Variants in DYNC2I1 observed in about 807,000 individuals in gnomAD.
DYNC2I1 encodes the protein cytoplasmic dynein 2 intermediate chain 1.
A neutral mutation model predicts 133.4 loss-of-function variants in DYNC2I1; 89 were observed. The ratio of observed to expected loss-of-function variants is 0.67; its 90% CI spans 0.56 to 0.80. The LOEUF is 0.80. Among genes scored for constraint, DYNC2I1 ranks in the 30% least tolerant of loss-of-function variants. DYNC2I1 has a pLI of 0.00. For synonymous variants in DYNC2I1, 504 were observed against 484.3 expected (o/e 1.04, Z -0.54); for missense variants, 1,291 against 1,314.5 (o/e 0.98, Z 0.28).
At chr7:158,887,620 A>G (rs2129480921) in intron 7 of DYNC2I1, among the ~76,000 whole-genome samples, 1 of 152,364 alleles carries the variant, frequency 6.6e-6, no homozygotes, top group Middle Eastern at 3.4e-3. Flanking sequence ...ACTATCAGTT[A>G]CTAAAACTGC....
chr7:158,918,141 T>C (rs1244506603), intron 14 of DYNC2I1, among the ~76,000 whole-genome samples: 1 of 152,190 alleles, frequency 6.6e-6, no homozygotes, highest in African/African-American at 2.4e-5. Context: ...CAGTTCCCAA[T>C]GAACACTTCC....
In DYNC2I1 at chr7:158,913,020, A is replaced by T; in HGVS notation, c.1626A>T (p.Arg542Ser). 6.2e-7 allele frequency: 1 copy of T among 1,613,458 alleles called. No homozygotes were observed. Among genetic ancestry groups the T allele is most frequent in the Non-Finnish European group, 8.5e-7 (1 of 1,179,614 alleles). The change falls in exon 13 of 25, where the codon AGA becomes AGT. Residue 542 changes from arginine (R) to serine (S), a missense_variant. Arg to Ser is a moderately radical substitution (Grantham distance 110). Coordinates refer to ENST00000407559, the MANE Select transcript of DYNC2I1 (RefSeq NM_018051.5). ...AGTGTAACGAAGATAATGTTGAAAGAGACATTCAAACGGAGGAAATAGAGA... is the reference window on the plus strand; with the variant it reads ...AGTGTAACGAAGATAATGTTGAAAGTGACATTCAAACGGAGGAAATAGAGA... ...YVQCNEDNVERDIQTEEIETR... is the reference protein window; with the variant it reads ...YVQCNEDNVESDIQTEEIETR...
chr7:158,877,536 TC>T (rs1347990345), intron 4 of DYNC2I1, among the ~76,000 whole-genome samples: 3 of 152,250 alleles, frequency 2.0e-5, no homozygotes, highest in Admixed American at 6.5e-5. Context: ...ATTTATATCA[TC>T]AGAGCATAAT....
At chr7:158,842,649 T>A in the DYNC2I1 span, among the ~76,000 whole-genome samples, 106 of 152,372 alleles carry the variant, frequency 7.0e-4, no homozygotes, top group African/African-American at 2.5e-3. Flanking sequence ...TTCGCTCATG[T>A]CAAGTGCTGA....
intron 7 of DYNC2I1, among the ~76,000 whole-genome samples, chr7:158,888,336 A>G (rs986590601): frequency 6.1e-5 from 9 of 147,994 alleles, no homozygotes; most frequent in African/African-American, 2.0e-4. Flanking sequence ...TTGTTTTGTT[A>G]TTACAGATAA....
chr7:158,934,724 C>CAG (rs1311960870), intron 23 of DYNC2I1, among the ~76,000 whole-genome samples, 175 bp downstream of exon 23: 2 of 152,132 alleles, frequency 1.3e-5, no homozygotes, highest in Non-Finnish European at 1.5e-5. Context: ...GGGACCTGTA[C>CAG]AGGTGCATGC....
At chr7:158,886,498 G>A (rs1844616768) in intron 6 of DYNC2I1, among the ~76,000 whole-genome samples, 1 of 152,166 alleles carries the variant, frequency 6.6e-6, no homozygotes, top group East Asian at 1.9e-4. Flanking sequence ...TTCTTCTCTG[G>A]AAGATATTTT....
chr7:158,868,839 A>G (rs1185186028), intron 1 of DYNC2I1, among the ~76,000 whole-genome samples: 1 of 152,238 alleles, frequency 6.6e-6, no homozygotes, highest in Non-Finnish European at 1.5e-5. Context: ...CTCATTAGAA[A>G]AACTGAGCTG....
intron 7 of DYNC2I1, among the ~76,000 whole-genome samples, chr7:158,890,346 A>T (rs1845080396): frequency 6.6e-6 from 1 of 151,760 alleles, no homozygotes; most frequent in Non-Finnish European, 1.5e-5. Flanking sequence ...AAAATATATG[A>T]TGTGTTTTTT....
At chr7:158,868,279 G>A (rs552900375) in intron 1 of DYNC2I1, among the ~76,000 whole-genome samples, 5 of 152,270 alleles carry the variant, frequency 3.3e-5, no homozygotes, top group South Asian at 2.1e-4. Context: ...CTGGCTGTCC[G>A]GATGCCGCCT....
intron 4 of DYNC2I1, among the ~76,000 whole-genome samples, chr7:158,955,202 T>G (rs898377702): frequency 1.3e-5 from 2 of 152,222 alleles, no homozygotes; most frequent in African/African-American, 4.8e-5. Context: ...GACTTAACAC[T>G]TTACTCTCTG....
the DYNC2I1 span, among the ~76,000 whole-genome samples, chr7:158,840,432 T>C: frequency 6.6e-6 from 1 of 152,038 alleles, no homozygotes; most frequent in Admixed American, 6.6e-5. Context: ...CTGGCCATGG[T>C]GGTGGGCACC....
upstream of DYNC2I1, chr7:158,856,443 C>A: frequency 2.8e-6 from 1 of 363,138 alleles, no homozygotes; most frequent in Admixed American, 4.7e-5. Context: ...TGCTAGGAGC[C>A]GGGGAAGCGC....
chr7:158,910,553 T>C (rs1847324837), intron 11 of DYNC2I1, among the ~76,000 whole-genome samples: 1 of 139,190 alleles, frequency 7.2e-6, no homozygotes, highest in Non-Finnish European at 1.5e-5. Context: ...CGATTGGCTG[T>C]GTCAGGCCTG....
chr7:158,896,845 C>T (rs1355131652), intron 8 of DYNC2I1, among the ~76,000 whole-genome samples: 1 of 145,974 alleles, frequency 6.9e-6, no homozygotes, highest in South Asian at 2.2e-4. Flanking sequence ...CATCTGTATT[C>T]GTGAATGATA....
In DYNC2I1 at chr7:158,869,890, C is replaced by T. The variant is rs200359388; in HGVS notation, c.51C>T (p.Asp17=). 2.2e-5 allele frequency: 36 copies of T among 1,613,474 alleles called. No individual in the cohort carries two copies. The highest frequency in any genetic ancestry group is 2.9e-5 in the Non-Finnish European group (34 of 1,179,482). Residue 17 remains aspartate, a synonymous_variant, in exon 2 of 25, where the codon GAC becomes GAT. Coordinates refer to ENST00000407559, the MANE Select transcript of DYNC2I1 (RefSeq NM_018051.5). The stretch of plus-strand genomic sequence containing the variant: ...AAGATGATACCTGGAAAGCAGATGA[C>T]CTCAGAAAACATCTCTGGGTAATTA... ...RTKDDTWKAD[D]LRKHLWAIQS...
intron 11 of DYNC2I1, among the ~76,000 whole-genome samples, chr7:158,911,250 C>G (rs955558564): frequency 1.3e-5 from 2 of 152,158 alleles, no homozygotes; most frequent in Non-Finnish European, 2.9e-5. Flanking sequence ...TGTTGTGTGA[C>G]TTGATTTTGT....
At chr7:158,844,716 G>T in the DYNC2I1 span, among the ~76,000 whole-genome samples, 10 of 152,072 alleles carry the variant, frequency 6.6e-5, 1 homozygote, top group East Asian at 1.9e-4. Context: ...TCCACCTCCA[G>T]GTTCAAGCGA....
chr7:158,874,680 T>G (rs897315293), intron 3 of DYNC2I1, among the ~76,000 whole-genome samples: 1 of 152,198 alleles, frequency 6.6e-6, no homozygotes, highest in Non-Finnish European at 1.5e-5. Flanking sequence ...AGGCCTCCTC[T>G]CCAGCAACCC....
Sources: allele counts gnomAD v4.1 joint callset (sites outside exome capture counted in the v4.1 genomes callset), GRCh38; gene constraint gnomAD v4.1.1; transcripts MANE v1.5; gene names NCBI Gene and HGNC (gene_info 2026-07-23, HGNC 2026-07-21).